Variants in SGTB observed in about 807,000 individuals in gnomAD.
The protein encoded by SGTB is small glutamine rich tetratricopeptide repeat co-chaperone beta, also known as small glutamine-rich tetratricopeptide repeat-containing protein beta.
A neutral mutation model predicts 43.9 loss-of-function variants in SGTB; 19 were observed. The observed-to-expected ratio is 0.43, with a 90% CI of 0.30 to 0.63. SGTB has a LOEUF of 0.63. Among genes scored for constraint, SGTB ranks in the 30% least tolerant of loss-of-function variants. SGTB has a pLI of 0.12. For synonymous variants in SGTB, 116 were observed against 117.3 expected, an observed-to-expected ratio of 0.99 and a Z score of 0.07; for missense variants, 304 against 358.9, an observed-to-expected ratio of 0.85 and a Z score of 1.24.
At chr5:65,692,378 G>A (rs974589236) in intron 5 of SGTB, among the ~76,000 whole-genome samples, 3 of 152,080 alleles carry the variant, frequency 2.0e-5, no homozygotes, top group Non-Finnish European at 4.4e-5. Flanking sequence ...TAGATCTGGT[G>A]GTCATCACCT....
At chr5:65,698,640 A>G (rs1455952744) in intron 5 of SGTB, among the ~76,000 whole-genome samples, 4 of 152,244 alleles carry the variant, frequency 2.6e-5, no homozygotes, top group East Asian at 1.9e-4. Flanking sequence ...TGTGCATCCA[A>G]CAAAGGACTA....
At chr5:65,711,249 T>C (rs572286116) in intron 3 of SGTB, among the ~76,000 whole-genome samples, 9 of 151,706 alleles carry the variant, frequency 5.9e-5, no homozygotes, top group African/African-American at 1.9e-4. Flanking sequence ...ATTTTAACGA[T>C]AGTGAGCAAC....
At chr5:65,678,633 G>A (rs758174041) in intron 8 of SGTB, among the ~76,000 whole-genome samples, 9 of 152,106 alleles carry the variant, frequency 5.9e-5, no homozygotes, top group Non-Finnish European at 1.0e-4. Context: ...GCATGGTACT[G>A]GTACAAGAAC....
intron 5 of SGTB, among the ~76,000 whole-genome samples, chr5:65,696,529 T>C (rs1043201677): frequency 6.6e-6 from 1 of 152,210 alleles, no homozygotes; most frequent in East Asian, 1.9e-4. Context: ...GTATCTTTTA[T>C]ACACTTCATC....
chr5:65,686,339 A>G (rs1757498021), intron 5 of SGTB, among the ~76,000 whole-genome samples: 1 of 151,852 alleles, frequency 6.6e-6, no homozygotes, highest in Admixed American at 6.6e-5. Flanking sequence ...GTAAAGAAGC[A>G]CTCCCTGAAA....
intron 5 of SGTB, among the ~76,000 whole-genome samples, chr5:65,704,041 A>ATAAAT (rs1757875574): frequency 1.4e-5 from 1 of 72,978 alleles, no homozygotes; most frequent in Non-Finnish European, 3.0e-5. Context: ...GTCTCAAAAA[A>ATAAAT]AAAAAAAAAA....
rs1758302584 is a variant in SGTB, at chr5:65,721,994, G to A, written c.-100C>T. The A allele has an allele frequency of 6.5e-6, 1 of 153,172 alleles. No individual in the cohort carries two copies. Among genetic ancestry groups the A allele is most frequent in the Non-Finnish European group, 1.5e-5 (1 of 68,748 alleles). 9.5% of individuals were successfully genotyped at this position (153,172 alleles called of 1,614,324 possible). On this transcript the variant is annotated 5_prime_UTR_variant, in exon 1 of 11. Coordinates refer to ENST00000381007, the MANE Select transcript of SGTB (RefSeq NM_019072.3). ...GGCCCGCCCGACCCCTGGTCCTCGGGGCTGGAGCCCGGCTCGGGATCGCAG... is the reference window on the plus strand; with the variant it reads ...GGCCCGCCCGACCCCTGGTCCTCGGAGCTGGAGCCCGGCTCGGGATCGCAG...
At chr5:65,721,694 C>T (rs969488099) in intron 1 of SGTB, among the ~76,000 whole-genome samples, 8 of 152,208 alleles carry the variant, frequency 5.3e-5, no homozygotes, top group African/African-American at 1.9e-4. Context: ...TAAATAAGGC[C>T]CCAGGGCAGA....
intron 3 of SGTB, 55 bp from the exon 4 acceptor site, chr5:65,708,613 T>A (rs556278028): frequency 2.2e-6 from 3 of 1,341,692 alleles, no homozygotes; most frequent in Non-Finnish European, 3.1e-6. Flanking sequence ...AGAATCATCC[T>A]AGAGTACTAT....
intron 5 of SGTB, among the ~76,000 whole-genome samples, chr5:65,697,223 C>G (rs1757730937): frequency 6.6e-6 from 1 of 152,098 alleles, no homozygotes; most frequent in Non-Finnish European, 1.5e-5. Flanking sequence ...TATTAAATAG[C>G]ATGCTCTTTT....
chr5:65,679,218 T>C (rs183152558), intron 8 of SGTB, among the ~76,000 whole-genome samples: 21 of 152,236 alleles, frequency 1.4e-4, no homozygotes, highest in Non-Finnish European at 2.4e-4. Context: ...GACATATATG[T>C]GGCCAACAAA....
Position 65,721,036 on chromosome 5 carries a change from T to C in SGTB, c.-22-207A>G, listed in dbSNP as rs544892759. ...GTAATTTATTACATATTTTCATTAA[T>C]ACCCAGTGGTATACGAGTATGTTAA... On this transcript the variant is annotated intron_variant, in intron 1 of 10. Transcript: ENST00000381007. Among the ~76,000 whole-genome samples the C allele has an allele frequency of 3.3e-4, 51 of 152,372 alleles. 1 individual carries two copies. Among genetic ancestry groups the C allele is most frequent in the East Asian group, 2.3e-3 (12 of 5,190 alleles).
At chr5:65,703,732 T>C (rs545915095) in intron 5 of SGTB, among the ~76,000 whole-genome samples, 1 of 126,022 alleles carries the variant, frequency 7.9e-6, no homozygotes, top group Non-Finnish European at 1.7e-5. Context: ...TCAAAAAAAA[T>C]AAAAATAAAA....
At chr5:65,703,306 G>C (rs1271770484) in intron 5 of SGTB, among the ~76,000 whole-genome samples, 1 of 152,218 alleles carries the variant, frequency 6.6e-6, no homozygotes, top group Non-Finnish European at 1.5e-5. Flanking sequence ...AGAATAAGCA[G>C]TAGTAATAGA....
intron 4 of SGTB, 85 bp from the exon 5 acceptor site, chr5:65,704,463 C>T: frequency 9.9e-7 from 1 of 1,014,434 alleles, no homozygotes; most frequent in Non-Finnish European, 1.4e-6. Flanking sequence ...ATCGTGGAAA[C>T]TATAATTATA....
chr5:65,689,376 C>CA (rs201508260), intron 5 of SGTB, among the ~76,000 whole-genome samples: 15 of 152,080 alleles, frequency 9.9e-5, no homozygotes, highest in African/African-American at 3.4e-4. Flanking sequence ...TCACATCTAC[C>CA]AAAAAAACTC....
In SGTB at chr5:65,719,069, A is replaced by G. The variant is rs1409139589; in HGVS notation, c.100+1639T>C. The stretch of plus-strand genomic sequence containing the variant: ...CCTTAATATTAAATGGACTGATTGC[A>G]ATGTTCTCCAACTGTGCATCACCTG... On this transcript the variant is annotated intron_variant, in intron 2 of 10. Transcript: ENST00000381007. Among the ~76,000 whole-genome samples the G allele has an allele frequency of 5.9e-5, 9 of 152,348 alleles. No individual in the cohort carries two copies. The East Asian group carries it at 9.6e-4, about 16-fold the overall frequency.
chr5:65,709,376 T>G (rs1758001000), intron 3 of SGTB, among the ~76,000 whole-genome samples: 1 of 150,956 alleles, frequency 6.6e-6, no homozygotes, highest in South Asian at 2.1e-4. Flanking sequence ...CTTTGCATAT[T>G]GTCCAGTTTT....
In SGTB at chr5:65,670,243, A is replaced by G; in HGVS notation, c.*3T>C. ...GTATCTTGGGCTTGAGCCCCTGGTT[A>G]AATCAGGAATGCTCTTCAGCGCTGC... is the stretch of plus-strand genomic sequence containing the variant. On this transcript the variant is annotated 3_prime_UTR_variant, in exon 11 of 11. Transcript: ENST00000381007. 1 of 1,613,390 alleles carries G rather than the reference A, an allele frequency of 6.2e-7. No homozygotes were observed. Among genetic ancestry groups the G allele is most frequent in the East Asian group, 2.2e-5 (1 of 44,882 alleles).
Sources: allele counts gnomAD v4.1 joint callset (sites outside exome capture counted in the v4.1 genomes callset), GRCh38; gene constraint gnomAD v4.1.1; transcripts MANE v1.5; gene names NCBI Gene and HGNC (gene_info 2026-07-23, HGNC 2026-07-21).